Variants in GRM8 observed in about 807,000 individuals in gnomAD.
The protein encoded by GRM8 is glutamate metabotropic receptor 8, also known as metabotropic glutamate receptor 8.
A neutral mutation model predicts 87.2 loss-of-function variants in GRM8; 47 were observed. That is an observed-to-expected ratio of 0.54 (90% CI 0.43 to 0.69). The LOEUF (loss-of-function observed/expected upper bound fraction) is 0.69, where lower values mean the gene tolerates loss of function less well. Among genes scored for constraint, GRM8 ranks in the 30% least tolerant of loss-of-function variants. The probability of loss-of-function intolerance (pLI) is 0.00; values close to 1 mark genes in which losing one functional copy is unlikely to be tolerated. For synonymous variants in GRM8, 396 were observed against 404.5 expected, an observed-to-expected ratio of 0.98 and a Z score of 0.25; for missense variants, 1,019 against 1,139.2, an observed-to-expected ratio of 0.89 and a Z score of 1.52.
intron 3 of GRM8, among the ~76,000 whole-genome samples, chr7:127,050,337 T>C (rs1262499001): frequency 6.6e-6 from 1 of 152,062 alleles, no homozygotes; most frequent in African/African-American, 2.4e-5. Flanking sequence ...ACCAAGACCA[T>C]TCAGAAGACT....
chr7:126,961,625 C>A (rs765353201), intron 3 of GRM8, among the ~76,000 whole-genome samples: 1 of 152,180 alleles, frequency 6.6e-6, no homozygotes, highest in Non-Finnish European at 1.5e-5. Flanking sequence ...CAGGTGCTCT[C>A]AGACACAGCA....
At chr7:127,004,226 T>C (rs1333617748) in intron 3 of GRM8, among the ~76,000 whole-genome samples, 1 of 151,604 alleles carries the variant, frequency 6.6e-6, no homozygotes, top group Admixed American at 6.6e-5. Context: ...TCAATTACTA[T>C]AGCTCTAGAA....
chr7:126,559,740 T>C (rs901435816), intron 8 of GRM8, among the ~76,000 whole-genome samples: 9 of 152,210 alleles, frequency 5.9e-5, no homozygotes, highest in Admixed American at 1.3e-4. Flanking sequence ...TGAGTATGAA[T>C]TGGAACTTTC....
intron 3 of GRM8, among the ~76,000 whole-genome samples, chr7:126,914,051 G>A (rs1239474361): frequency 2.0e-5 from 3 of 152,186 alleles, no homozygotes; most frequent in Non-Finnish European, 2.9e-5. Context: ...GAATGGTACA[G>A]AAGAGGCATG....
chr7:126,532,891 CA>C, intron 9 of GRM8, 60 bp downstream of exon 9: 1 of 952,094 alleles, frequency 1.1e-6, no homozygotes, highest in Non-Finnish European at 1.6e-6. Flanking sequence ...GGAGGAAAAG[CA>C]TCCTAAAAGA....
Position 127,057,758 on chromosome 7 carries a change from C to T in GRM8, c.727+48738G>A, listed in dbSNP as rs1330318467. Among the ~76,000 whole-genome samples, 3 of 151,772 alleles carry T rather than the reference C, an allele frequency of 2.0e-5. No individual in the cohort carries two copies. In the East Asian group the frequency reaches 5.8e-4, roughly 29 times the overall value. On this transcript the variant is annotated intron_variant, in intron 3 of 10. Coordinates refer to ENST00000339582, the MANE Select transcript of GRM8 (RefSeq NM_000845.3). The stretch of plus-strand genomic sequence containing the variant: ...TATGCAAATTAAAAGATTATATTTT[C>T]TAAATCTCATTGTGAAATTATGTTT...
chr7:126,961,507 T>C (rs948148994), intron 3 of GRM8, among the ~76,000 whole-genome samples: 2 of 152,192 alleles, frequency 1.3e-5, no homozygotes, highest in African/African-American at 4.8e-5. Flanking sequence ...CTGTAAACTA[T>C]GGGATGTGTG....
intron 6 of GRM8, among the ~76,000 whole-genome samples, chr7:126,817,744 A>G (rs1438744917): frequency 6.6e-6 from 1 of 152,134 alleles, no homozygotes; most frequent in African/African-American, 2.4e-5. Context: ...AGGTCGTTTG[A>G]GCATTGCTGT....
chr7:127,122,506 C>T (rs1481689434), intron 2 of GRM8, among the ~76,000 whole-genome samples: 2 of 151,330 alleles, frequency 1.3e-5, no homozygotes, highest in East Asian at 3.9e-4. Flanking sequence ...ACAGGAAAAC[C>T]TCTTAGGCAC....
intron 3 of GRM8, among the ~76,000 whole-genome samples, chr7:127,075,600 T>G (rs1052561144): frequency 6.6e-6 from 1 of 152,142 alleles, no homozygotes; most frequent in Non-Finnish European, 1.5e-5. Flanking sequence ...TAAATCTACC[T>G]TCTTTGGTTT....
At chr7:127,071,254 A>G (rs1040090786) in intron 3 of GRM8, among the ~76,000 whole-genome samples, 1 of 152,222 alleles carries the variant, frequency 6.6e-6, no homozygotes, top group Non-Finnish European at 1.5e-5. Flanking sequence ...ACTTCAAAAA[A>G]CGGAATCACA....
chr7:126,516,267 G>A (rs1420922927), intron 9 of GRM8, among the ~76,000 whole-genome samples: 1 of 151,590 alleles, frequency 6.6e-6, no homozygotes, highest in African/African-American at 2.4e-5. Context: ...ATTATCCATT[G>A]TTTATCTGAA....
intron 3 of GRM8, among the ~76,000 whole-genome samples, chr7:126,999,077 A>C (rs528052849): frequency 6.6e-6 from 1 of 152,168 alleles, no homozygotes; most frequent in South Asian, 2.1e-4. Context: ...CCAATGGAAC[A>C]GAATAGATAA....
At chr7:126,712,212 C>A (rs62477946) in intron 7 of GRM8, among the ~76,000 whole-genome samples, 5,041 of 152,156 alleles carry the variant, frequency 0.033, 102 homozygotes, top group Middle Eastern at 0.061. Context: ...TGATGGCTTA[C>A]AGAATACGGA....
intron 8 of GRM8, among the ~76,000 whole-genome samples, chr7:126,589,028 T>G (rs934506390): frequency 1.3e-5 from 2 of 152,162 alleles, no homozygotes; most frequent in Non-Finnish European, 2.9e-5. Context: ...TGGGGAGGGT[T>G]GCCAGTGGAA....
chr7:127,068,607 G>A (rs543233799), intron 3 of GRM8, among the ~76,000 whole-genome samples: 59 of 152,316 alleles, frequency 3.9e-4, no homozygotes, highest in Non-Finnish European at 4.9e-4. Flanking sequence ...CCTCGCTGAA[G>A]CCAGAGCACA....
At chr7:127,138,590 C>T (rs769559099) in intron 2 of GRM8, among the ~76,000 whole-genome samples, 1 of 152,092 alleles carries the variant, frequency 6.6e-6, no homozygotes, top group African/African-American at 2.4e-5. Flanking sequence ...GGGATCACAA[C>T]ATTTCCATTT....
At position 126,861,770 on chromosome 7, in the gene GRM8, C is replaced by T. The variant is rs141905962; in HGVS notation, c.1156+40772G>A. Among the ~76,000 whole-genome samples, 322 of 151,958 alleles carry T rather than the reference C, an allele frequency of 2.1e-3. 1 individual carries two copies. Among genetic ancestry groups the T allele is most frequent in the African/African-American group, 7.4e-3 (308 of 41,496 alleles). Reference sequence around the variant, plus strand: ...AATTGGTTTTCATTTCTTACTAATTCGTTGGAGTTATAAGCCTGGAACCTA... The same window carrying T: ...AATTGGTTTTCATTTCTTACTAATTTGTTGGAGTTATAAGCCTGGAACCTA... On this transcript the variant is annotated intron_variant, in intron 6 of 10. Transcript: ENST00000339582.
chr7:126,554,429 T>C (rs76158568), intron 8 of GRM8, among the ~76,000 whole-genome samples: 2 of 142,234 alleles, frequency 1.4e-5, no homozygotes, highest in African/African-American at 3.0e-5. Flanking sequence ...ATAATAATAA[T>C]AATAATAATA....
Sources: allele counts gnomAD v4.1 joint callset (sites outside exome capture counted in the v4.1 genomes callset), GRCh38; gene constraint gnomAD v4.1.1; transcripts MANE v1.5; gene names NCBI Gene and HGNC (gene_info 2026-07-23, HGNC 2026-07-21).